MYO9A: variants seen among roughly 807,000 people sequenced by gnomAD.
The protein encoded by MYO9A is myosin IXA, also known as unconventional myosin-IXa.
MYO9A carries 103 observed loss-of-function variants against 293.3 expected under a neutral mutation model. That is an observed-to-expected ratio of 0.35 (90% confidence interval 0.30 to 0.41). MYO9A has a LOEUF of 0.41. MYO9A is among the 10% of genes least tolerant of loss of function. MYO9A has a pLI of 1.00. For missense variants in MYO9A, 2,685 were observed against 3,033.0 expected, an observed-to-expected ratio of 0.89 and a Z score of 2.69; for synonymous variants, 1,001 against 1,035.7, an observed-to-expected ratio of 0.97 and a Z score of 0.64.
intron 1 of MYO9A, among the ~76,000 whole-genome samples, chr15:72,085,974 C>T (rs1209594849): frequency 6.6e-6 from 1 of 152,180 alleles, no homozygotes; most frequent in Non-Finnish European, 1.5e-5. Flanking sequence ...CTATTTTGTT[C>T]TCTGGCTCCT....
At chr15:72,012,769 C>A (rs887893424) in intron 6 of MYO9A, among the ~76,000 whole-genome samples, 2 of 152,072 alleles carry the variant, frequency 1.3e-5, no homozygotes, top group Non-Finnish European at 2.9e-5. Context: ...TCTATGCTTC[C>A]ACATGTGTCA....
At chr15:72,052,709 C>A (rs965255223) in intron 1 of MYO9A, among the ~76,000 whole-genome samples, 1 of 152,174 alleles carries the variant, frequency 6.6e-6, no homozygotes, top group Non-Finnish European at 1.5e-5. Context: ...TTGAGGTATG[C>A]CTGATCCACA....
Position 71,916,396 on chromosome 15 carries a change from G to T in MYO9A, c.2659C>A (p.Pro887Thr). ...SLLHLHKKKK[P>T]PSISAQFQAS... ...TGAAACTGGGCACTGATGCTGGGAG[G>T]TTTTTTCTTCTTGTGTAAATGAAGA... is the stretch of plus-strand genomic sequence containing the variant. The change falls in exon 19 of 42, where the codon CCT (proline) becomes ACT (threonine). Residue 887 changes from proline (P) to threonine (T), a missense_variant. Physicochemically the swap from Pro to Thr is conservative, Grantham distance 38. This residue lies in a region of MYO9A where 1,434 missense variants were observed against 1,497.7 expected (regional missense o/e 0.96). Transcript: ENST00000356056. 6.2e-7 allele frequency: 1 copy of T among 1,613,244 alleles called. No homozygotes were observed. The highest frequency in any genetic ancestry group is 8.5e-7 in the Non-Finnish European group (1 of 1,179,782).
chr15:71,844,297 A>C (rs2055291055), intron 39 of MYO9A, among the ~76,000 whole-genome samples: 1 of 152,140 alleles, frequency 6.6e-6, no homozygotes, highest in African/African-American at 2.4e-5. Flanking sequence ...TCTAATACCC[A>C]CATTCAATCA....
chr15:72,038,076 C>A (rs1240676568), intron 2 of MYO9A, among the ~76,000 whole-genome samples: 1 of 152,048 alleles, frequency 6.6e-6, no homozygotes, highest in African/African-American at 2.4e-5. Flanking sequence ...ACCAACACAT[C>A]CAGCTAATTT....
chr15:71,892,223 C>T (rs920801734), intron 26 of MYO9A: 1 of 152,170 alleles, frequency 6.6e-6, no homozygotes, highest in East Asian at 1.9e-4. Flanking sequence ...AATGGTGCAG[C>T]TTTATTCAAA....
chr15:71,982,148 T>A (rs1193261693), intron 11 of MYO9A, among the ~76,000 whole-genome samples: 1 of 150,006 alleles, frequency 6.7e-6, no homozygotes, highest in Admixed American at 6.7e-5. Flanking sequence ...CCCTCCTGAG[T>A]AGCTGGGACT....
At chr15:71,865,788 A>C (rs1480165028) in intron 32 of MYO9A, among the ~76,000 whole-genome samples, 1 of 152,226 alleles carries the variant, frequency 6.6e-6, no homozygotes, top group Non-Finnish European at 1.5e-5. Context: ...TTACGTAGTT[A>C]AAATGGCTAA....
At chr15:72,083,874 G>A (rs373153482) in intron 1 of MYO9A, among the ~76,000 whole-genome samples, 12 of 152,246 alleles carry the variant, frequency 7.9e-5, no homozygotes, top group Admixed American at 2.0e-4. Flanking sequence ...TGGTTGTTAC[G>A]ACTTCAGTTC....
chr15:72,059,268 G>A (rs1434331042), intron 1 of MYO9A, among the ~76,000 whole-genome samples: 2 of 152,218 alleles, frequency 1.3e-5, no homozygotes, highest in Non-Finnish European at 2.9e-5. Flanking sequence ...CTGCATGGTA[G>A]AGAACACACT....
At chr15:71,935,716 G>C (rs974333618) in intron 16 of MYO9A, among the ~76,000 whole-genome samples, 1 of 152,064 alleles carries the variant, frequency 6.6e-6, no homozygotes, top group East Asian at 1.9e-4. Flanking sequence ...GCATGTAGAT[G>C]AGCATATCAT....
intron 27 of MYO9A, among the ~76,000 whole-genome samples, chr15:71,887,269 A>AT (rs1313506849): frequency 6.6e-6 from 1 of 152,152 alleles, no homozygotes; most frequent in Admixed American, 6.6e-5. Context: ...ATAGAGGGAG[A>AT]TAAAGCCCAT....
chr15:71,980,578 T>C (rs1395123640), intron 11 of MYO9A, among the ~76,000 whole-genome samples: 1 of 152,194 alleles, frequency 6.6e-6, no homozygotes, highest in Non-Finnish European at 1.5e-5. Flanking sequence ...CTCACATCTG[T>C]AATTCCAATG....
intron 33 of MYO9A, among the ~76,000 whole-genome samples, chr15:71,860,983 A>AAAAAAAAAAAAAAAAAAAAAAAAAAAAC (rs1280330013): frequency 6.6e-6 from 1 of 150,730 alleles, no homozygotes; most frequent in African/African-American, 2.4e-5. Context: ...AAAAAAAAAA[A>AAAAAAAAAAAAAAAAAAAAAAAAAAAAC]AAAAAAAAAA....
At chr15:72,039,360 T>C (rs563930378) in intron 2 of MYO9A, among the ~76,000 whole-genome samples, 4 of 152,298 alleles carry the variant, frequency 2.6e-5, no homozygotes, top group South Asian at 4.1e-4. Flanking sequence ...TGCTTTATAG[T>C]TGTATACAAA....
intron 33 of MYO9A, among the ~76,000 whole-genome samples, chr15:71,860,969 CAAAAAAAAAAAAAA>C (rs61030744): frequency 6.2e-5 from 2 of 32,438 alleles, no homozygotes; most frequent in African/African-American, 2.2e-4. Flanking sequence ...TCCATCTCAC[CAAAAAAAAAAAAAA>C]AAAAAAAAAA....
intron 6 of MYO9A, among the ~76,000 whole-genome samples, chr15:72,012,275 A>G (rs184776130): frequency 2.6e-5 from 4 of 152,220 alleles, no homozygotes; most frequent in Admixed American, 2.6e-4. Context: ...CATTCTACTG[A>G]CATGCCAATG....
At chr15:71,960,282 T>C (rs749958959) in intron 13 of MYO9A, 186 bp from the exon 14 acceptor site, 65 of 587,312 alleles carry the variant, frequency 1.1e-4, no homozygotes, top group Non-Finnish European at 1.6e-4. Context: ...CATGAATGGA[T>C]TGGGGCTCTC....
chr15:71,996,804 C>T (rs1325470364), intron 9 of MYO9A, among the ~76,000 whole-genome samples: 1 of 152,016 alleles, frequency 6.6e-6, no homozygotes, highest in Non-Finnish European at 1.5e-5. Context: ...CCACTCCTGC[C>T]TTCTGTGCTT....
Sources: allele counts gnomAD v4.1 joint callset (sites outside exome capture counted in the v4.1 genomes callset), GRCh38; gene constraint gnomAD v4.1.1; regional missense constraint gnomAD v4.1.1; transcripts MANE v1.5; gene names NCBI Gene and HGNC (gene_info 2026-07-23, HGNC 2026-07-21).